Variants in NXPE2 observed in about 807,000 individuals in gnomAD.
NXPE2 encodes the protein neurexophilin and PC-esterase domain family member 2.
Under a neutral mutation model 34.4 loss-of-function variants are expected in NXPE2, and 34 were observed. The observed-to-expected ratio is 0.99, with a 90% CI of 0.75 to 1.31. NXPE2 has a LOEUF of 1.31. Ranked by LOEUF, NXPE2 falls within the 40% of genes most tolerant of loss-of-function variation. The probability of loss-of-function intolerance (pLI) is 0.00; values close to 1 mark genes in which losing one functional copy is unlikely to be tolerated. For synonymous variants in NXPE2, 235 were observed against 231.3 expected (o/e 1.02, Z -0.15); for missense variants, 649 against 672.5 (o/e 0.97, Z 0.39).
chr11:114,678,567 C>A lies in NXPE2; in HGVS notation c.-9C>A. On this transcript the variant is annotated 5_prime_UTR_variant, in exon 1 of 6. Transcript: ENST00000389586. ...CTGGACACTATAATTCCTGTGAGAA[C>A]ACGAGAAGATGGTGGAGAAAATACT... 1 of 1,546,376 alleles carries A rather than the reference C, an allele frequency of 6.5e-7. No homozygotes were observed. The highest frequency in any genetic ancestry group is 1.4e-5 in the African/African-American group (1 of 72,968).
chr11:114,714,354 A>G, the NXPE2 span, among the ~76,000 whole-genome samples: 1 of 152,218 alleles, frequency 6.6e-6, no homozygotes, highest in Non-Finnish European at 1.5e-5. Flanking sequence ...AAATTGCCTT[A>G]GCAGAGAGGT....
At chr11:114,721,340 T>A in the NXPE2 span, among the ~76,000 whole-genome samples, 2 of 151,736 alleles carry the variant, frequency 1.3e-5, no homozygotes, top group Non-Finnish European at 2.9e-5. Flanking sequence ...CATAATGGAA[T>A]GACAAGGAGC....
Position 114,706,825 on chromosome 11 carries a change from T to C in NXPE2, c.1575T>C (p.Ile525=). The C allele has an allele frequency of 1.9e-6, 3 of 1,552,074 alleles. No individual in the cohort carries two copies. Among genetic ancestry groups the C allele is most frequent in the Non-Finnish European group, 2.6e-6 (3 of 1,146,840 alleles). The change falls in exon 6 of 6, where the codon ATT becomes ATC. Residue 525 remains isoleucine, a synonymous_variant. Transcript: ENST00000389586. ...TTTTTGTGGATCTTAATGTGGGTAT[T>C]ATTGATGCCTGGGACATGACGATTG... is the stretch of plus-strand genomic sequence containing the variant. The part of the protein sequence containing the change: ...RDIFVDLNVG[I]IDAWDMTIAY...
At chr11:114,556,233 C>T in the NXPE2 span, among the ~76,000 whole-genome samples, 2 of 152,168 alleles carry the variant, frequency 1.3e-5, no homozygotes, top group African/African-American at 4.8e-5. Context: ...TAAGGTGGGT[C>T]TTGAAAAGCC....
chr11:114,613,616 C>A, the NXPE2 span, among the ~76,000 whole-genome samples: 2 of 151,826 alleles, frequency 1.3e-5, no homozygotes, highest in African/African-American at 4.8e-5. Context: ...TCATGGGTAA[C>A]CACTGTTACA....
At chr11:114,809,906 A>T in the NXPE2 span, among the ~76,000 whole-genome samples, 3 of 142,494 alleles carry the variant, frequency 2.1e-5, no homozygotes, top group African/African-American at 7.8e-5. Flanking sequence ...CAAAAGAACA[A>T]AGCTGGAGGC....
At chr11:114,731,884 C>A in the NXPE2 span, among the ~76,000 whole-genome samples, 1 of 152,106 alleles carries the variant, frequency 6.6e-6, no homozygotes, top group East Asian at 1.9e-4. Flanking sequence ...TTGGGGGAAA[C>A]TGGGTAAAGA....
At chr11:114,653,258 A>G in the NXPE2 span, among the ~76,000 whole-genome samples, 4 of 152,358 alleles carry the variant, frequency 2.6e-5, no homozygotes, top group East Asian at 7.7e-4. Context: ...GTAAGCAAAC[A>G]TTATAAAAAT....
chr11:114,588,735 G>A, the NXPE2 span, among the ~76,000 whole-genome samples: 3 of 152,098 alleles, frequency 2.0e-5, no homozygotes, highest in African/African-American at 4.8e-5. Context: ...ACTCTAAACT[G>A]TCCATGGTAG....
the NXPE2 span, chr11:114,528,757 G>A: frequency 1.6e-6 from 1 of 620,932 alleles, no homozygotes; most frequent in Non-Finnish European, 3.0e-6. Context: ...AGGGGAGAAT[G>A]AGGACCCAGG....
the NXPE2 span, among the ~76,000 whole-genome samples, chr11:114,663,204 G>C: frequency 2.0e-5 from 3 of 152,198 alleles, no homozygotes; most frequent in Admixed American, 1.3e-4. Flanking sequence ...AGGTTGAAGT[G>C]CCTCTTTGGA....
chr11:114,759,018 C>T, the NXPE2 span, among the ~76,000 whole-genome samples: 2 of 152,102 alleles, frequency 1.3e-5, no homozygotes, highest in African/African-American at 4.8e-5. Flanking sequence ...TGCATGTGCT[C>T]ACATCCTACA....
At chr11:114,661,275 A>G in the NXPE2 span, among the ~76,000 whole-genome samples, 2 of 152,198 alleles carry the variant, frequency 1.3e-5, no homozygotes, top group Non-Finnish European at 2.9e-5. Context: ...GTTGAAAGGT[A>G]AGGGAAATAG....
the NXPE2 span, among the ~76,000 whole-genome samples, chr11:114,785,522 A>G: frequency 3.3e-5 from 5 of 152,304 alleles, no homozygotes; most frequent in South Asian, 1.0e-3. Flanking sequence ...TATTAATTCT[A>G]TTAGCAGTTT....
At chr11:114,635,248 T>C in the NXPE2 span, among the ~76,000 whole-genome samples, 1 of 150,318 alleles carries the variant, frequency 6.7e-6, no homozygotes, top group Admixed American at 6.7e-5. Flanking sequence ...AGTTCACTCA[T>C]GATTTGGCTC....
chr11:114,530,237 G>A, the NXPE2 span: 1 of 1,614,050 alleles, frequency 6.2e-7, no homozygotes, highest in Non-Finnish European at 8.5e-7. Flanking sequence ...GGGTGGTCAT[G>A]TAGGTCAGAG....
chr11:114,517,578 T>G, the NXPE2 span, among the ~76,000 whole-genome samples: 6 of 152,230 alleles, frequency 3.9e-5, no homozygotes, highest in African/African-American at 1.4e-4. Context: ...ACAGCATCAC[T>G]TATTTGACAA....
At chr11:114,751,204 A>T in the NXPE2 span, among the ~76,000 whole-genome samples, 1 of 152,190 alleles carries the variant, frequency 6.6e-6, no homozygotes, top group Non-Finnish European at 1.5e-5. Context: ...AGAATTAGCT[A>T]TGTGGTCCCA....
chr11:114,630,264 T>A, the NXPE2 span, among the ~76,000 whole-genome samples: 1 of 151,810 alleles, frequency 6.6e-6, no homozygotes. Flanking sequence ...ACTACCTGAC[T>A]TCAAACTATA....
Sources: gnomAD v4.1 joint callset for allele counts (sites outside exome capture counted in the v4.1 genomes callset) on GRCh38, gnomAD v4.1.1 for gene constraint, MANE v1.5 for transcripts, NCBI Gene and HGNC (gene_info 2026-07-23, HGNC 2026-07-21) for gene names.